The following QPRT variants were observed in gnomAD, a reference collection of about 807,000 sequenced individuals.
QPRT encodes nicotinate-nucleotide pyrophosphorylase [carboxylating].
QPRT carries 17 observed loss-of-function variants against 19.8 expected under a neutral mutation model. The ratio of observed to expected loss-of-function variants is 0.86; its 90% CI spans 0.59 to 1.29. The LOEUF is 1.29. Among genes scored for constraint, QPRT ranks in the 50% most tolerant of loss-of-function variants. The pLI, the probability that QPRT is intolerant of heterozygous loss-of-function variation, is 0.00. For missense variants in QPRT, 336 were observed against 405.1 expected (o/e 0.83, Z 1.46); for synonymous variants, 178 against 191.0 (o/e 0.93, Z 0.56).
intron 1 of QPRT, among the ~76,000 whole-genome samples, chr16:29,680,110 G>A (rs1017532081): frequency 1.1e-4 from 17 of 151,662 alleles, no homozygotes; most frequent in East Asian, 3.9e-4. Context: ...GGCGCCCGCC[G>A]CCACGCCTGG....
chr16:29,692,920 G>A, intron 1 of QPRT, among the ~76,000 whole-genome samples: 1 of 151,976 alleles, frequency 6.6e-6, no homozygotes, highest in Non-Finnish European at 1.5e-5. Context: ...ATTTAGCCGG[G>A]TATGGTGGCA....
chr16:29,697,558 G>A lies in QPRT; in HGVS notation c.*147G>A. On this transcript the variant is annotated 3_prime_UTR_variant, in exon 4 of 4. Transcript: ENST00000395384. The surrounding 1 kb of genome is among the most constrained non-coding windows in gnomAD (Gnocchi z 4.4). ...TCTGGCTCTGCCACCTGCTGCTCCT[G>A]TGACCTGTCAGGGCTGACTTCACCT... 2.5e-6 allele frequency: 2 copies of A among 799,842 alleles called. No homozygotes were observed. The highest frequency in any genetic ancestry group is 3.9e-6 in the Non-Finnish European group (2 of 516,368). 49.5% of individuals were successfully genotyped at this position (799,842 alleles called of 1,614,324 possible).
chr16:29,697,179 C>T lies in QPRT; in HGVS notation c.682-20C>T, dbSNP rs1223986901. ...GGATCTGTGGTGGGCTCTTACCTCC[C>T]CTTGGCTTGTGTCCCGCAGGAGCTG... On this transcript the variant is annotated intron_variant, in intron 3 of 3. Transcript: ENST00000395384. The surrounding 1 kb of genome is among the most constrained non-coding windows in gnomAD (Gnocchi z 4.4). 9 of 1,601,604 alleles carry T rather than the reference C, an allele frequency of 5.6e-6. No individual in the cohort carries two copies. The highest frequency in any genetic ancestry group is 2.2e-5 in the South Asian group (2 of 90,220).
At chr16:29,694,517 T>G in intron 1 of QPRT, 147 bp from the exon 2 acceptor site, 1 of 580,698 alleles carries the variant, frequency 1.7e-6, no homozygotes, top group Non-Finnish European at 2.6e-6. Context: ...ACGCCCCCCT[T>G]CCTCACCGCA....
Position 29,679,576 on chromosome 16 carries a change from A to G in QPRT, c.13+366A>G, listed in dbSNP as rs143001264. Among the ~76,000 whole-genome samples the G allele has an allele frequency of 2.9e-3, 431 of 150,570 alleles. 2 individuals are homozygous for G. The highest frequency in any genetic ancestry group is 0.01 in the African/African-American group (417 of 40,856). ...CTGCTCTCGCTGGTAGCTCGGGAGA[A>G]GCAGAGACAAAGTCCTGTCCCTTCT... On this transcript the variant is annotated intron_variant, in intron 1 of 3. Transcript: ENST00000395384.
In QPRT at chr16:29,697,303, G is replaced by A. The variant is rs113611997; in HGVS notation, c.786G>A (p.Pro262=). The change falls in exon 4 of 4, where the codon CCG becomes CCA. Residue 262 remains proline (P), a synonymous_variant. Transcript: ENST00000395384. This position sits in a 1 kb window ranked among gnomAD's most constrained non-coding sequence, Gnocchi z 4.4. ...ACAACCTCCCCCAGTTCTGCGGGCC[G>A]CACATAGACGTCATCTCCATGGGGA... The part of the protein sequence containing the change: ...TLDNLPQFCG[P]HIDVISMGML... 67 of 1,614,146 alleles carry A rather than the reference G, an allele frequency of 4.2e-5. No homozygotes were observed. In the Middle Eastern group the frequency reaches 6.6e-4, roughly 16 times the overall value.
intron 1 of QPRT, among the ~76,000 whole-genome samples, chr16:29,684,814 C>T (rs1030608446): frequency 6.6e-6 from 1 of 152,206 alleles, no homozygotes; most frequent in Admixed American, 6.5e-5. Context: ...ATTCAGGAAA[C>T]GCTTTGGGAT....
At position 29,697,220 on chromosome 16, in the gene QPRT, G is replaced by C. The variant is rs141195918; in HGVS notation, c.703G>C (p.Val235Leu). 6.2e-7 allele frequency: 1 copy of C among 1,612,650 alleles called. No homozygotes were observed. Among genetic ancestry groups the C allele is most frequent in the Non-Finnish European group, 8.5e-7 (1 of 1,179,190 alleles). The change falls in exon 4 of 4, where the codon GTG (valine) becomes CTG (leucine). Residue 235 changes from valine to leucine, a missense_variant. Transcript: ENST00000395384. This position sits in a 1 kb window ranked among gnomAD's most constrained non-coding sequence, Gnocchi z 4.4. ...GCAGGAGCTGCACCCCACGGCCACC[G>C]TGCTGAAGGCCCAGTTCCCGAGTGT... is the stretch of plus-strand genomic sequence containing the variant. ...KPEELHPTAT[V>L]LKAQFPSVAV...
intron 1 of QPRT, among the ~76,000 whole-genome samples, chr16:29,679,735 G>C (rs933907930): frequency 6.6e-6 from 1 of 152,152 alleles, no homozygotes; most frequent in Admixed American, 6.6e-5. Context: ...GAAAAGACAA[G>C]TTAAGATTTA....
intron 1 of QPRT, among the ~76,000 whole-genome samples, chr16:29,683,412 G>A (rs1182241134): frequency 2.0e-5 from 3 of 151,788 alleles, no homozygotes; most frequent in African/African-American, 7.3e-5. Flanking sequence ...CCAGAGTGCA[G>A]TAGCTCCATC....
chr16:29,682,477 A>T (rs1967038168), intron 1 of QPRT, among the ~76,000 whole-genome samples: 1 of 151,780 alleles, frequency 6.6e-6, no homozygotes, highest in South Asian at 2.1e-4. Context: ...GGTTCAAGTG[A>T]TTCTCCTGCC....
intron 1 of QPRT, among the ~76,000 whole-genome samples, chr16:29,691,195 T>C (rs1967316749): frequency 6.7e-6 from 1 of 149,528 alleles, no homozygotes; most frequent in South Asian, 2.1e-4. Flanking sequence ...CAAAACCCTG[T>C]CTCTACTAAA....
chr16:29,698,670 C>T lies in QPRT; in HGVS notation c.*1259C>T, dbSNP rs909240204. 1 of 152,168 alleles carries T rather than the reference C, an allele frequency of 6.6e-6. No homozygotes were observed. The highest frequency in any genetic ancestry group is 1.5e-5 in the Non-Finnish European group (1 of 68,056). The allele number at this position is 152,168 out of a possible 1,614,324, so 9.4% of individuals were successfully genotyped here. On this transcript the variant is annotated 3_prime_UTR_variant, in exon 4 of 4. Transcript: ENST00000395384. ...ATTAAGATGCAAGTCTGCCAATGCT[C>T]CTGGCCAAATAAACCTCTTCCTTCT...
Position 29,697,579 on chromosome 16 carries a change from C to T in QPRT, c.*168C>T. On this transcript the variant is annotated 3_prime_UTR_variant, in exon 4 of 4. Coordinates refer to ENST00000395384, the MANE Select transcript of QPRT (RefSeq NM_014298.6). This position sits in a 1 kb window ranked among gnomAD's most constrained non-coding sequence, Gnocchi z 4.4. ...TCCTGTGACCTGTCAGGGCTGACTT[C>T]ACCTCTGCTCATCTCAGTTTCCTAA... 1.5e-6 allele frequency: 1 copy of T among 664,168 alleles called. No individual in the cohort carries two copies. The highest frequency in any genetic ancestry group is 2.0e-5 in the South Asian group (1 of 50,832). The allele number at this position is 664,168 out of a possible 1,614,324, so 41.1% of individuals were successfully genotyped here. A position where few individuals can be genotyped will look rare whatever the true frequency, so the allele number is the denominator to read the frequency against.
At chr16:29,693,100 T>C (rs1596795795) in intron 1 of QPRT, among the ~76,000 whole-genome samples, 1 of 150,918 alleles carries the variant, frequency 6.6e-6, no homozygotes, top group African/African-American at 2.4e-5. Flanking sequence ...GAGAATGGGG[T>C]GTCCATCCCC....
intron 1 of QPRT, among the ~76,000 whole-genome samples, chr16:29,686,939 A>G (rs1469233539): frequency 6.6e-6 from 1 of 152,212 alleles, no homozygotes; most frequent in Non-Finnish European, 1.5e-5. Flanking sequence ...GAGCACCTGC[A>G]CTGTGTGGGG....
intron 1 of QPRT, among the ~76,000 whole-genome samples, chr16:29,686,671 A>AT (rs1461048775): frequency 6.6e-6 from 1 of 151,074 alleles, no homozygotes; most frequent in Non-Finnish European, 1.5e-5. Context: ...AATTTTTTTT[A>AT]TTTTTTGTAT....
intron 1 of QPRT, among the ~76,000 whole-genome samples, chr16:29,687,461 G>A (rs984333121): frequency 6.6e-6 from 1 of 152,190 alleles, no homozygotes; most frequent in Non-Finnish European, 1.5e-5. Context: ...TCCAGCCCTG[G>A]CTCTGCCACT....
At chr16:29,691,394 A>G (rs948099949) in intron 1 of QPRT, among the ~76,000 whole-genome samples, 26 of 133,514 alleles carry the variant, frequency 1.9e-4, no homozygotes, top group African/African-American at 6.9e-4. Flanking sequence ...AAAAAAAAAA[A>G]TCAGGGTGGG....
Sources: allele counts gnomAD v4.1 joint callset (sites outside exome capture counted in the v4.1 genomes callset), GRCh38; gene constraint gnomAD v4.1.1; non-coding constraint Gnocchi (gnomAD v3.1); transcripts MANE v1.5; gene names NCBI Gene and HGNC (gene_info 2026-07-23, HGNC 2026-07-21).